The following MOV10L1 variants were observed in gnomAD, a reference collection of about 807,000 sequenced individuals.
MOV10L1 encodes Mov10 like RNA helicase 1, also known as RNA helicase Mov10l1.
In MOV10L1, 110 loss-of-function variants were observed where a neutral mutation model predicts 143.8. That is an observed-to-expected ratio of 0.76 (90% CI 0.66 to 0.90). MOV10L1 has a LOEUF of 0.90. MOV10L1 is among the 40% of genes least tolerant of loss of function. The probability of loss-of-function intolerance (pLI) is 0.00; values close to 1 mark genes in which losing one functional copy is unlikely to be tolerated. For missense variants in MOV10L1, 1,406 were observed against 1,526.8 expected (o/e 0.92, Z 1.32); for synonymous variants, 593 against 581.1 (o/e 1.02, Z -0.29).
In MOV10L1 at chr22:50,100,986, C is replaced by G. The variant is rs570974571; in HGVS notation, c.442+1384C>G. Among the ~76,000 whole-genome samples, 6 of 152,224 alleles carry G rather than the reference C, an allele frequency of 3.9e-5. No homozygotes were observed. The South Asian group carries it at 6.2e-4, about 16-fold the overall frequency. The stretch of plus-strand genomic sequence containing the variant: ...CATACTCAGGTCTGTTTCTTCTTTC[C>G]CAGGAGAAACAGACCTGTGCATACA... On this transcript the variant is annotated intron_variant, in intron 3 of 26. Coordinates refer to ENST00000262794, the MANE Select transcript of MOV10L1 (RefSeq NM_018995.3).
intron 3 of MOV10L1, among the ~76,000 whole-genome samples, chr22:50,102,349 G>C (rs568330482): frequency 1.3e-5 from 2 of 152,208 alleles, no homozygotes; most frequent in Non-Finnish European, 2.9e-5. Flanking sequence ...GTCGTACCAC[G>C]TAGCTGAAAG....
Position 50,092,100 on chromosome 22 carries a change from C to G in MOV10L1, c.197C>G (p.Thr66Ser), listed in dbSNP as rs2062461157. The stretch of plus-strand genomic sequence containing the variant: ...ATCTACTTCTCCAGTGATGCTGTGA[C>G]TAGCAGAGTGCTTCTGAATGTTGGA... ...DMIYFSSDAV[T>S]SRVLLNVGQE... Residue 66 changes from threonine to serine, a missense_variant, in exon 2 of 27, where the codon ACT (threonine) becomes AGT (serine). By Grantham distance (58) the Thr-to-Ser change is moderately conservative. This residue lies in a region of MOV10L1 where 166 missense variants were observed against 153.9 expected (regional missense o/e 1.08). Coordinates refer to ENST00000262794, the MANE Select transcript of MOV10L1 (RefSeq NM_018995.3). 1.2e-6 allele frequency: 2 copies of G among 1,614,016 alleles called. No homozygotes were observed. The highest frequency in any genetic ancestry group is 1.3e-5 in the African/African-American group (1 of 74,890).
chr22:50,148,543 G>A (rs1313774666), intron 19 of MOV10L1, among the ~76,000 whole-genome samples: 1 of 152,218 alleles, frequency 6.6e-6, no homozygotes, highest in Non-Finnish European at 1.5e-5. Context: ...GTCACACGGA[G>A]AAGGAAGAGC....
chr22:50,140,092 G>A (rs1271232354), intron 15 of MOV10L1, among the ~76,000 whole-genome samples: 1 of 152,216 alleles, frequency 6.6e-6, no homozygotes, highest in African/African-American at 2.4e-5. Context: ...TCCGTGAGCA[G>A]GTGAATGGAT....
At chr22:50,090,299 C>G in intron 1 of MOV10L1, 114 bp downstream of exon 1, 10 of 1,454,136 alleles carry the variant, frequency 6.9e-6, no homozygotes, top group Non-Finnish European at 9.1e-6. Context: ...AACGCTGGGC[C>G]CGGCCTTTCC....
At chr22:50,109,377 T>C (rs538687648) in intron 5 of MOV10L1, among the ~76,000 whole-genome samples, 1 of 150,858 alleles carries the variant, frequency 6.6e-6, no homozygotes, top group Admixed American at 6.6e-5. Flanking sequence ...ATTAAAAAAT[T>C]AGCCAAGCGA....
Position 50,114,393 on chromosome 22 carries a change from C to G in MOV10L1, c.897C>G (p.Asp299Glu). ...TGTATTTTTCCAGGAATAAAGGAGACATTCCTCAAAACTTAGTCAGCTGTA... is the reference window on the plus strand; with the variant it reads ...TGTATTTTTCCAGGAATAAAGGAGAGATTCCTCAAAACTTAGTCAGCTGTA... ...TMVIWIENKG[D>E]IPQNLVSCKL... Residue 299 changes from aspartate to glutamate, a missense_variant, in exon 7 of 27, where the codon GAC becomes GAG. Transcript: ENST00000262794. 6.2e-7 allele frequency: 1 copy of G among 1,613,906 alleles called. No homozygotes were observed.
At chr22:50,093,884 A>G (rs2062519258) in intron 2 of MOV10L1, 1 of 152,198 alleles carries the variant, frequency 6.6e-6, no homozygotes, top group Non-Finnish European at 1.5e-5. Context: ...GGAACCAGAC[A>G]TTGCTTTCCT....
chr22:50,133,357 G>A (rs538776776), intron 13 of MOV10L1, among the ~76,000 whole-genome samples: 1 of 151,930 alleles, frequency 6.6e-6, no homozygotes, highest in Non-Finnish European at 1.5e-5. Flanking sequence ...ACTTTGAGAG[G>A]CTGAGGTGGG....
Position 50,159,823 on chromosome 22 carries a change from G to GGCAGCAAGCACCTGAC in MOV10L1, c.3324+38_3324+39insGCAGCAAGCACCTGAC. 7.1e-7 allele frequency: 1 copy of GGCAGCAAGCACCTGAC among 1,408,470 alleles called. No individual in the cohort carries two copies. Among genetic ancestry groups the GGCAGCAAGCACCTGAC allele is most frequent in the Non-Finnish European group, 1.0e-6 (1 of 998,198 alleles). 87.2% of individuals were successfully genotyped at this position (1,408,470 alleles called of 1,614,324 possible). On this transcript the variant is annotated intron_variant, in intron 24 of 26. Transcript: ENST00000262794. This position sits in a 1 kb window ranked among gnomAD's most constrained non-coding sequence, Gnocchi z 4.1. Reference sequence around the variant, plus strand: ...GTTCTCCGTGGGGATGGACAGTCAGGTGCTTGCTGCCCTGGGGGTTCTGGG... The same window carrying GGCAGCAAGCACCTGAC: ...GTTCTCCGTGGGGATGGACAGTCAGGGCAGCAAGCACCTGACTGCTTGCTGCCCTGGGGGTTCTGGG...
chr22:50,140,056 A>G (rs771210085), intron 15 of MOV10L1, among the ~76,000 whole-genome samples: 1 of 152,202 alleles, frequency 6.6e-6, no homozygotes, highest in African/African-American at 2.4e-5. Context: ...TGGGTTTTTA[A>G]TCACCAAAAA....
rs1173986103 is a variant in MOV10L1, at chr22:50,153,070, G to T, written c.2918G>T (p.Arg973Leu). ...LLVTKLVKNY[R>L]SHEALLMLPS... ...GTCACAAAGCTGGTGAAGAACTACC[G>T]GTCCCACGAGGCCCTGCTGATGCTG... is the stretch of plus-strand genomic sequence containing the variant. Residue 973 changes from arginine (R) to leucine (L), a missense_variant, in exon 22 of 27, where the codon CGG becomes CTG. Physicochemically the swap from Arg to Leu is moderately radical, Grantham distance 102. This residue lies in a region of MOV10L1 where 1,233 missense variants were observed against 1,351.4 expected (regional missense o/e 0.91). Coordinates refer to ENST00000262794, the MANE Select transcript of MOV10L1 (RefSeq NM_018995.3). 1 of 1,609,322 alleles carries T rather than the reference G, an allele frequency of 6.2e-7. No individual in the cohort carries two copies. Among genetic ancestry groups the T allele is most frequent in the Admixed American group, 1.7e-5 (1 of 59,846 alleles).
intron 22 of MOV10L1, among the ~76,000 whole-genome samples, chr22:50,155,926 T>C (rs1368618578): frequency 6.6e-6 from 1 of 152,030 alleles, no homozygotes; most frequent in Non-Finnish European, 1.5e-5. Context: ...TGGTGCACAC[T>C]TGTGGTCCCA....
intron 7 of MOV10L1, 51 bp downstream of exon 7, chr22:50,114,673 G>T (rs369105488): frequency 4.4e-6 from 7 of 1,597,902 alleles, no homozygotes; most frequent in South Asian, 2.3e-5. Context: ...GCTGGGGGCC[G>T]TGGGGTTGTG....
At chr22:50,156,120 T>A (rs75724428) in intron 22 of MOV10L1, among the ~76,000 whole-genome samples, 2 of 141,148 alleles carry the variant, frequency 1.4e-5, no homozygotes, top group South Asian at 4.5e-4. Context: ...TGTTAAAAAC[T>A]TTTTTTTTTT....
intron 9 of MOV10L1, 130 bp downstream of exon 9, chr22:50,117,481 A>G (rs1420753029): frequency 1.6e-5 from 15 of 924,734 alleles, no homozygotes; most frequent in Non-Finnish European, 2.4e-5. Flanking sequence ...CTGGGGTTCA[A>G]GCCTCTTTCC....
At chr22:50,109,772 C>T in intron 5 of MOV10L1, 1 of 162,624 alleles carries the variant, frequency 6.1e-6, no homozygotes, top group Non-Finnish European at 1.4e-5. Context: ...AGCCTAGGAG[C>T]TTGAGGCTGC....
Position 50,090,095 on chromosome 22 carries a change from AGCCTCGCAGCCAAGCTGGTG to A in MOV10L1, c.12_31del (p.Ala5LeufsTer9), listed in dbSNP as rs2062385766. The stretch of plus-strand genomic sequence containing the variant: ...CCTAGGCCGGGCGAGGGCCATGCTG[AGCCTCGCAGCCAAGCTGGTG>A]GCCTTCTTCTGGAGGACGGCGGACA... On this transcript the variant is annotated frameshift_variant, in exon 1 of 27. Transcript: ENST00000262794. LOFTEE classifies it high-confidence loss of function. The A allele has an allele frequency of 3.7e-6, 5 of 1,342,894 alleles. No homozygotes were observed. Among genetic ancestry groups the A allele is most frequent in the Non-Finnish European group, 4.8e-6 (5 of 1,046,912 alleles). 83.2% of individuals were successfully genotyped at this position (1,342,894 alleles called of 1,614,324 possible).
At chr22:50,121,456 G>T (rs2062340575) in intron 10 of MOV10L1, among the ~76,000 whole-genome samples, 1 of 151,688 alleles carries the variant, frequency 6.6e-6, no homozygotes, top group African/African-American at 2.4e-5. Flanking sequence ...ATCTGGCACT[G>T]GGAGCCCAAA....
Sources: gnomAD v4.1 joint callset for allele counts (sites outside exome capture counted in the v4.1 genomes callset) on GRCh38, gnomAD v4.1.1 for gene constraint, gnomAD v4.1.1 regional missense constraint, Gnocchi (gnomAD v3.1) non-coding constraint, MANE v1.5 for transcripts, NCBI Gene and HGNC (gene_info 2026-07-23, HGNC 2026-07-21) for gene names.